The following PTPRM variants were observed in gnomAD, a reference collection of about 807,000 sequenced individuals.
PTPRM encodes receptor-type tyrosine-protein phosphatase mu.
Under a neutral mutation model 186.7 loss-of-function variants are expected in PTPRM, and 47 were observed. The ratio of observed to expected loss-of-function variants is 0.25; its 90% confidence interval spans 0.20 to 0.32. The LOEUF is 0.32. Ranked by LOEUF, PTPRM falls within the 10% of genes least tolerant of loss-of-function variation. PTPRM has a pLI of 1.00. For synonymous variants in PTPRM, 668 were observed against 674.9 expected (o/e 0.99, Z 0.16); for missense variants, 1,494 against 1,865.0 (o/e 0.80, Z 3.66).
At chr18:8,012,110 A>C (rs1376736463) in intron 7 of PTPRM, among the ~76,000 whole-genome samples, 2 of 152,194 alleles carry the variant, frequency 1.3e-5, no homozygotes, top group African/African-American at 4.8e-5. Context: ...GAGAGACGCC[A>C]CTGGGGGGCA....
chr18:8,343,032 A>G (rs940445026), intron 22 of PTPRM, among the ~76,000 whole-genome samples: 3 of 152,218 alleles, frequency 2.0e-5, no homozygotes, highest in African/African-American at 7.2e-5. Flanking sequence ...ATTTCATTCT[A>G]TATACCACTT....
At chr18:8,181,654 C>G (rs761237368) in intron 14 of PTPRM, among the ~76,000 whole-genome samples, 4 of 152,154 alleles carry the variant, frequency 2.6e-5, no homozygotes, top group Non-Finnish European at 5.9e-5. Flanking sequence ...AGAGTAAAAT[C>G]GTTTTGTGAA....
intron 14 of PTPRM, among the ~76,000 whole-genome samples, chr18:8,170,015 AG>A (rs1251585133): frequency 1.3e-5 from 2 of 152,196 alleles, no homozygotes; most frequent in East Asian, 3.8e-4. Context: ...CTCATTTTAT[AG>A]ATGAAAAAAC....
intron 2 of PTPRM, among the ~76,000 whole-genome samples, chr18:7,853,897 T>G (rs369948838): frequency 1.3e-5 from 2 of 152,282 alleles, no homozygotes; most frequent in Admixed American, 1.3e-4. Context: ...TGGAATTATA[T>G]TTTCAGTCTG....
chr18:7,830,548 G>A (rs1278902849), intron 2 of PTPRM, among the ~76,000 whole-genome samples: 1 of 152,190 alleles, frequency 6.6e-6, no homozygotes, highest in African/African-American at 2.4e-5. Flanking sequence ...TCTGTCACAT[G>A]CAGTCTGCTG....
intron 11 of PTPRM, among the ~76,000 whole-genome samples, chr18:8,105,590 C>G (rs1459663780): frequency 6.6e-6 from 1 of 152,162 alleles, no homozygotes; most frequent in Non-Finnish European, 1.5e-5. Context: ...CCTAGCCTTC[C>G]CTCCCCTACT....
At chr18:8,201,919 C>T (rs1420174793) in intron 14 of PTPRM, among the ~76,000 whole-genome samples, 1 of 152,208 alleles carries the variant, frequency 6.6e-6, no homozygotes, top group East Asian at 1.9e-4. Context: ...CACATGATAC[C>T]TCCTTTGATG....
intron 1 of PTPRM, among the ~76,000 whole-genome samples, chr18:7,594,646 A>G (rs1598480951): frequency 6.6e-6 from 1 of 152,248 alleles, no homozygotes; most frequent in East Asian, 1.9e-4. Flanking sequence ...GAGAGAAACC[A>G]TTTTCCTTGT....
intron 1 of PTPRM, among the ~76,000 whole-genome samples, chr18:7,590,155 C>G (rs1348218356): frequency 6.6e-6 from 1 of 152,124 alleles, no homozygotes; most frequent in Non-Finnish European, 1.5e-5. Flanking sequence ...AACGCACTAC[C>G]GAAGAAAATG....
At chr18:8,163,221 T>C (rs1336027148) in intron 14 of PTPRM, among the ~76,000 whole-genome samples, 1 of 152,172 alleles carries the variant, frequency 6.6e-6, no homozygotes, top group African/African-American at 2.4e-5. Context: ...CCAAACAACT[T>C]CCTATTCATT....
At chr18:7,736,657 C>T (rs945541886) in intron 1 of PTPRM, among the ~76,000 whole-genome samples, 8 of 152,136 alleles carry the variant, frequency 5.3e-5, no homozygotes, top group East Asian at 1.9e-4. Flanking sequence ...GCAAGGGGTA[C>T]GTGACAGGGG....
At chr18:8,082,989 T>C (rs2145221407) in intron 9 of PTPRM, among the ~76,000 whole-genome samples, 1 of 152,206 alleles carries the variant, frequency 6.6e-6, no homozygotes, top group Non-Finnish European at 1.5e-5. Context: ...AGTCCTTCAC[T>C]GAGTTCTGTC....
chr18:7,688,789 C>A (rs2039668422), intron 1 of PTPRM, among the ~76,000 whole-genome samples: 1 of 152,080 alleles, frequency 6.6e-6, no homozygotes, highest in Admixed American at 6.5e-5. Flanking sequence ...TAAATTTATT[C>A]CTGTATTTGA....
chr18:8,389,077 GC>G (rs1396131776), intron 31 of PTPRM, among the ~76,000 whole-genome samples: 1 of 152,116 alleles, frequency 6.6e-6, no homozygotes, highest in Non-Finnish European at 1.5e-5. Flanking sequence ...AGAACAAGAG[GC>G]TCACGCTGAG....
At chr18:7,744,317 G>A (rs929209140) in intron 1 of PTPRM, among the ~76,000 whole-genome samples, 3 of 151,800 alleles carry the variant, frequency 2.0e-5, no homozygotes, top group Non-Finnish European at 2.9e-5. Context: ...GAAAGGTGGT[G>A]GAATCTAGGA....
chr18:8,022,044 T>C (rs1196145323), intron 7 of PTPRM, among the ~76,000 whole-genome samples: 2 of 152,124 alleles, frequency 1.3e-5, no homozygotes, highest in African/African-American at 4.8e-5. Flanking sequence ...AATTCAATAA[T>C]GAAAAAAGGA....
chr18:8,029,899 TG>T (rs2085846493), intron 7 of PTPRM, among the ~76,000 whole-genome samples: 1 of 152,214 alleles, frequency 6.6e-6, no homozygotes, highest in Admixed American at 6.5e-5. Context: ...GTGGCTGAGG[TG>T]GCCTGTCTGC....
intron 1 of PTPRM, among the ~76,000 whole-genome samples, chr18:7,603,644 C>G (rs1463460740): frequency 6.6e-6 from 1 of 152,224 alleles, no homozygotes; most frequent in Non-Finnish European, 1.5e-5. Context: ...TCTTTCTGTT[C>G]CTCCAACTTC....
intron 3 of PTPRM, among the ~76,000 whole-genome samples, chr18:7,902,765 GA>G (rs1213054415): frequency 6.6e-6 from 1 of 151,280 alleles, no homozygotes; most frequent in East Asian, 1.9e-4. Context: ...TCCATTCTGT[GA>G]CGCGATGGAT....
Sources: gnomAD v4.1 joint callset for allele counts (sites outside exome capture counted in the v4.1 genomes callset) on GRCh38, gnomAD v4.1.1 for gene constraint, MANE v1.5 for transcripts, NCBI Gene and HGNC (gene_info 2026-07-23, HGNC 2026-07-21) for gene names.